The following DPYD variants were observed in gnomAD, a reference collection of about 807,000 sequenced individuals.
The protein encoded by DPYD is dihydropyrimidine dehydrogenase.
A neutral mutation model predicts 116.2 loss-of-function variants in DPYD; 109 were observed. The observed-to-expected ratio is 0.94, with a 90% CI of 0.80 to 1.10. DPYD has a LOEUF of 1.10. Ranked by LOEUF, DPYD falls within the 50% of genes least tolerant of loss-of-function variation. The pLI is 0.00. For synonymous variants in DPYD, 440 were observed against 432.0 expected, an observed-to-expected ratio of 1.02 and a Z score of -0.23; for missense variants, 1,302 against 1,254.5, an observed-to-expected ratio of 1.04 and a Z score of -0.57.
intron 16 of DPYD, among the ~76,000 whole-genome samples, chr1:97,309,331 T>TGTG (rs1667350237): frequency 6.8e-6 from 1 of 147,558 alleles, no homozygotes; most frequent in Non-Finnish European, 1.5e-5. Flanking sequence ...GTTGCTTGTC[T>TGTG]TGTGTGTGTG....
intron 13 of DPYD, among the ~76,000 whole-genome samples, chr1:97,506,895 C>T (rs923520431): frequency 2.0e-5 from 3 of 151,982 alleles, no homozygotes; most frequent in Admixed American, 1.3e-4. Flanking sequence ...GTCTGGCAAA[C>T]ATGGTATGAT....
chr1:97,221,226 C>G (rs1242477972), intron 19 of DPYD, among the ~76,000 whole-genome samples: 1 of 152,126 alleles, frequency 6.6e-6, no homozygotes, highest in Non-Finnish European at 1.5e-5. Flanking sequence ...AAAGAGCAAG[C>G]TTTCACACGT....
At chr1:97,607,622 T>C (rs1012178755) in intron 8 of DPYD, among the ~76,000 whole-genome samples, 1 of 151,400 alleles carries the variant, frequency 6.6e-6, no homozygotes, top group Non-Finnish European at 1.5e-5. Flanking sequence ...ATAACACACA[T>C]ACCTTAAGGA....
intron 13 of DPYD, among the ~76,000 whole-genome samples, chr1:97,472,168 C>A (rs1223534568): frequency 6.6e-6 from 1 of 152,188 alleles, no homozygotes; most frequent in Non-Finnish European, 1.5e-5. Context: ...TTAGAAACTA[C>A]TCGAAAGCAT....
chr1:97,887,786 C>T (rs1326536210), intron 1 of DPYD, among the ~76,000 whole-genome samples: 1 of 151,954 alleles, frequency 6.6e-6, no homozygotes, highest in Non-Finnish European at 1.5e-5. Context: ...ATGGGAGGGA[C>T]CCGGTGGGAG....
intron 19 of DPYD, among the ~76,000 whole-genome samples, chr1:97,229,587 T>TATATATATATATAAAA (rs1434809487): frequency 1.5e-5 from 1 of 64,680 alleles, no homozygotes; most frequent in African/African-American, 5.8e-5. Flanking sequence ...TATATATATA[T>TATATATATATATAAAA]ATACTGATTT....
At chr1:97,623,889 A>C (rs1656774003) in intron 8 of DPYD, among the ~76,000 whole-genome samples, 1 of 152,034 alleles carries the variant, frequency 6.6e-6, no homozygotes, top group South Asian at 2.1e-4. Context: ...GGTAAAGGAT[A>C]GTCTCATTGA....
intron 16 of DPYD, among the ~76,000 whole-genome samples, chr1:97,323,135 T>TA (rs1668403292): frequency 6.7e-6 from 1 of 149,416 alleles, no homozygotes; most frequent in Non-Finnish European, 1.5e-5. Flanking sequence ...GTGTGTGTGT[T>TA]TATGTATAGG....
At chr1:97,342,276 T>C (rs1669626324) in intron 16 of DPYD, among the ~76,000 whole-genome samples, 1 of 152,202 alleles carries the variant, frequency 6.6e-6, no homozygotes, top group African/African-American at 2.4e-5. Flanking sequence ...TGTATTCTTG[T>C]AGTATTGAAT....
chr1:97,465,512 GGTA>G (rs1677268245), intron 13 of DPYD, among the ~76,000 whole-genome samples: 1 of 152,072 alleles, frequency 6.6e-6, no homozygotes, highest in South Asian at 2.1e-4. Flanking sequence ...GAATCACGGG[GGTA>G]AGTCTTTCCT....
chr1:97,589,365 C>G (rs1299103719), intron 10 of DPYD, among the ~76,000 whole-genome samples: 1 of 152,142 alleles, frequency 6.6e-6, no homozygotes, highest in Non-Finnish European at 1.5e-5. Flanking sequence ...GGGGGTGGTT[C>G]CCCCATGCTG....
intron 20 of DPYD, among the ~76,000 whole-genome samples, chr1:97,139,713 G>C (rs1654072343): frequency 1.3e-5 from 2 of 152,210 alleles, no homozygotes; most frequent in Admixed American, 1.3e-4. Flanking sequence ...CTCAGTCTTA[G>C]ATGAGGCCCC....
intron 18 of DPYD, among the ~76,000 whole-genome samples, chr1:97,281,660 A>G (rs1258817065): frequency 2.0e-5 from 3 of 152,050 alleles, no homozygotes; most frequent in Non-Finnish European, 2.9e-5. Context: ...GAAGTTATCA[A>G]ACTAAGTCCC....
intron 13 of DPYD, among the ~76,000 whole-genome samples, chr1:97,500,379 CTT>C (rs1679504584): frequency 6.6e-6 from 1 of 151,916 alleles, no homozygotes; most frequent in African/African-American, 2.4e-5. Flanking sequence ...ATCATCCAAA[CTT>C]ATATTTGTAT....
Position 97,921,011 on chromosome 1 carries a change from G to A in DPYD, c.-89C>T, listed in dbSNP as rs1571588939. ...AGAGAGCCAAGTGACAGCAGCCGGA[G>A]CGCGAGTCGAAAACAGGCAGACTAG... is the stretch of plus-strand genomic sequence containing the variant. On this transcript the variant is annotated 5_prime_UTR_variant, in exon 1 of 23. Transcript: ENST00000370192. The A allele has an allele frequency of 1.1e-5, 17 of 1,516,974 alleles. No homozygotes were observed. The highest frequency in any genetic ancestry group is 1.4e-5 in the Non-Finnish European group (16 of 1,117,900). The allele number at this position is 1,516,974 out of a possible 1,614,324, so 94.0% of individuals were successfully genotyped here. A position where few individuals can be genotyped will look rare whatever the true frequency, so the allele number is the denominator to read the frequency against.
intron 8 of DPYD, among the ~76,000 whole-genome samples, chr1:97,627,619 G>C (rs757355875): frequency 6.6e-6 from 1 of 151,946 alleles, no homozygotes; most frequent in Non-Finnish European, 1.5e-5. Context: ...ACCCACTTAT[G>C]CTATCATCTG....
chr1:97,163,533 T>C (rs150253921), intron 20 of DPYD, among the ~76,000 whole-genome samples: 1 of 152,304 alleles, frequency 6.6e-6, no homozygotes, highest in African/African-American at 2.4e-5. Flanking sequence ...AGAATGTTTT[T>C]GTCTCAGTTC....
intron 8 of DPYD, among the ~76,000 whole-genome samples, chr1:97,656,244 C>T (rs1658898192): frequency 6.6e-6 from 1 of 152,164 alleles, no homozygotes; most frequent in African/African-American, 2.4e-5. Context: ...TTGTAGCATG[C>T]AGAAATTCAC....
chr1:97,464,995 A>G (rs1458358917), intron 13 of DPYD, among the ~76,000 whole-genome samples: 1 of 152,210 alleles, frequency 6.6e-6, no homozygotes, highest in Non-Finnish European at 1.5e-5. Context: ...GAGGAGGGCT[A>G]TACCCTGCAA....
Sources: allele counts gnomAD v4.1 joint callset (sites outside exome capture counted in the v4.1 genomes callset), GRCh38; gene constraint gnomAD v4.1.1; transcripts MANE v1.5; gene names NCBI Gene and HGNC (gene_info 2026-07-23, HGNC 2026-07-21).